Variants in STAG1 observed in about 807,000 individuals in gnomAD.
STAG1 encodes the protein STAG1 cohesin complex component.
In STAG1, 26 loss-of-function variants were observed where a neutral mutation model predicts 170.9. That is an observed-to-expected ratio of 0.15 (90% CI 0.11 to 0.21). The LOEUF (loss-of-function observed/expected upper bound fraction) is 0.21, where lower values mean the gene tolerates loss of function less well. Among genes scored for constraint, STAG1 ranks in the 10% least tolerant of loss-of-function variants. The probability of loss-of-function intolerance (pLI) is 1.00; values close to 1 mark genes in which losing one functional copy is unlikely to be tolerated. For missense variants in STAG1, 964 were observed against 1,509.5 expected, an observed-to-expected ratio of 0.64 and a Z score of 5.99; for synonymous variants, 514 against 497.7, an observed-to-expected ratio of 1.03 and a Z score of -0.44.
At chr3:136,561,786 T>C (rs1936851421) in intron 5 of STAG1, among the ~76,000 whole-genome samples, 1 of 151,824 alleles carries the variant, frequency 6.6e-6, no homozygotes, top group African/African-American at 2.4e-5. Flanking sequence ...CTGATTTCCC[T>C]TGAGCATGAC....
intron 1 of STAG1, among the ~76,000 whole-genome samples, chr3:136,703,129 A>G (rs900943416): frequency 6.6e-6 from 1 of 151,800 alleles, no homozygotes. Context: ...CCAAGTTAAG[A>G]AGCTCCAAGA....
chr3:136,474,981 C>T (rs1172672394), intron 10 of STAG1, among the ~76,000 whole-genome samples: 1 of 152,034 alleles, frequency 6.6e-6, no homozygotes, highest in Non-Finnish European at 1.5e-5. Context: ...GGTGAAACAG[C>T]CCAGCCTCCT....
intron 4 of STAG1, among the ~76,000 whole-genome samples, chr3:136,578,640 A>T (rs1353964795): frequency 6.6e-6 from 1 of 152,254 alleles, no homozygotes; most frequent in African/African-American, 2.4e-5. Context: ...GGAAATATCC[A>T]GACCTTTCAT....
At chr3:136,666,811 CTCTG>C (rs1941797658) in intron 1 of STAG1, among the ~76,000 whole-genome samples, 1 of 148,708 alleles carries the variant, frequency 6.7e-6, no homozygotes, top group Non-Finnish European at 1.5e-5. Flanking sequence ...CAGAGTGAAA[CTCTG>C]TCTTTAAAAA....
At chr3:136,750,661 C>G (rs1049650479) in intron 1 of STAG1, among the ~76,000 whole-genome samples, 4 of 152,182 alleles carry the variant, frequency 2.6e-5, no homozygotes, top group Non-Finnish European at 4.4e-5. Flanking sequence ...TTAGTTTACT[C>G]GAAGTACGTT....
chr3:136,675,674 G>C (rs1307293067), intron 1 of STAG1, among the ~76,000 whole-genome samples: 1 of 151,910 alleles, frequency 6.6e-6, no homozygotes, highest in Non-Finnish European at 1.5e-5. Context: ...TCATACCAAA[G>C]AGACATCCCA....
chr3:136,744,112 G>C (rs572905751), intron 1 of STAG1, among the ~76,000 whole-genome samples: 13 of 152,332 alleles, frequency 8.5e-5, no homozygotes, highest in Admixed American at 2.6e-4. Context: ...CAGATCACCT[G>C]AAGTCAGGAG....
intron 17 of STAG1, 43 bp from the exon 18 acceptor site, chr3:136,422,900 G>C (rs1337618806): frequency 7.5e-6 from 12 of 1,590,164 alleles, no homozygotes; most frequent in Non-Finnish European, 1.0e-5. Flanking sequence ...TACTTTAATA[G>C]TACAATGAAA....
intron 13 of STAG1, among the ~76,000 whole-genome samples, chr3:136,463,742 T>TGTGTGTGG (rs1553725781): frequency 4.8e-4 from 38 of 79,502 alleles, no homozygotes; most frequent in Admixed American, 3.2e-3. Flanking sequence ...TATATGTGTG[T>TGTGTGTGG]GTGTGTGTGT....
chr3:136,484,159 G>A (rs1440394930), intron 9 of STAG1, among the ~76,000 whole-genome samples: 55 of 147,872 alleles, frequency 3.7e-4, no homozygotes, highest in Non-Finnish European at 7.5e-4. Context: ...GGCGCTCTGC[G>A]TTTTAGAGTT....
intron 1 of STAG1, among the ~76,000 whole-genome samples, chr3:136,684,757 CAG>C (rs1236017460): frequency 2.5e-5 from 3 of 119,814 alleles, no homozygotes; most frequent in African/African-American, 1.0e-4. Context: ...GACTGGGCAA[CAG>C]AGTGAGACCC....
intron 3 of STAG1, 86 bp downstream of exon 3, chr3:136,623,060 C>A: frequency 8.8e-7 from 1 of 1,139,098 alleles, no homozygotes; most frequent in South Asian, 1.5e-5. Context: ...AAGTATTAAC[C>A]ATACTAGCAC....
intron 1 of STAG1, among the ~76,000 whole-genome samples, chr3:136,684,478 A>G (rs562772479): frequency 2.1e-4 from 32 of 152,274 alleles, no homozygotes; most frequent in African/African-American, 6.0e-4. Flanking sequence ...GGCGGGGTGC[A>G]TTGGCTCGCG....
intron 32 of STAG1, among the ~76,000 whole-genome samples, chr3:136,339,165 G>A (rs1935835215): frequency 6.6e-6 from 1 of 152,152 alleles, no homozygotes; most frequent in Non-Finnish European, 1.5e-5. Context: ...GAAGAAGGCA[G>A]CCATCTACAA....
At chr3:136,363,966 C>T (rs183638542) in intron 25 of STAG1, among the ~76,000 whole-genome samples, 2 of 152,066 alleles carry the variant, frequency 1.3e-5, no homozygotes, top group African/African-American at 4.8e-5. Context: ...TGCCATGTTG[C>T]CCAGGCTGGT....
chr3:136,560,226 C>G (rs754039462), intron 5 of STAG1, among the ~76,000 whole-genome samples: 46 of 152,268 alleles, frequency 3.0e-4, no homozygotes, highest in Non-Finnish European at 6.0e-4. Flanking sequence ...TTATATTCAA[C>G]TAAGAAAGAA....
At chr3:136,683,150 C>T (rs1255425578) in intron 1 of STAG1, among the ~76,000 whole-genome samples, 1 of 152,126 alleles carries the variant, frequency 6.6e-6, no homozygotes, top group Non-Finnish European at 1.5e-5. Context: ...CAACGTTTCA[C>T]TTCTGCAAAA....
chr3:136,534,720 G>C (rs1430986537), intron 6 of STAG1, among the ~76,000 whole-genome samples: 2 of 152,132 alleles, frequency 1.3e-5, no homozygotes, highest in Non-Finnish European at 2.9e-5. Context: ...CAGTTGGAAT[G>C]GCTATTATTA....
chr3:136,431,763 T>G (rs1006041897), intron 16 of STAG1, among the ~76,000 whole-genome samples: 2 of 152,256 alleles, frequency 1.3e-5, no homozygotes, highest in Admixed American at 1.3e-4. Context: ...TGGACTCCAC[T>G]ATTTCTGATA....
Sources: allele counts gnomAD v4.1 joint callset (sites outside exome capture counted in the v4.1 genomes callset), GRCh38; gene constraint gnomAD v4.1.1; transcripts MANE v1.5; gene names NCBI Gene and HGNC (gene_info 2026-07-23, HGNC 2026-07-21).